AFF3: variants seen among roughly 807,000 people sequenced by gnomAD.
AFF3 encodes the protein AF4/FMR2 family member 3.
Under a neutral mutation model 129.7 loss-of-function variants are expected in AFF3, and 32 were observed. The ratio of observed to expected loss-of-function variants is 0.25; its 90% CI spans 0.19 to 0.33. AFF3 has a LOEUF of 0.33. Among genes scored for constraint, AFF3 ranks in the 10% least tolerant of loss-of-function variants. The probability of loss-of-function intolerance (pLI) is 1.00; values close to 1 mark genes in which losing one functional copy is unlikely to be tolerated. For missense variants in AFF3, 1,373 were observed against 1,592.0 expected, an observed-to-expected ratio of 0.86 and a Z score of 2.34; for synonymous variants, 644 against 635.4, an observed-to-expected ratio of 1.01 and a Z score of -0.20.
chr2:99,603,225 T>G (rs933602033), intron 13 of AFF3, among the ~76,000 whole-genome samples: 1 of 151,944 alleles, frequency 6.6e-6, no homozygotes, highest in African/African-American at 2.4e-5. Context: ...TTTCTTTCCT[T>G]CCTTATGAAC....
chr2:99,809,490 T>C (rs909995457), intron 8 of AFF3, among the ~76,000 whole-genome samples: 3 of 152,184 alleles, frequency 2.0e-5, no homozygotes, highest in African/African-American at 7.2e-5. Flanking sequence ...ATAGATTCAA[T>C]GGGATTAGGT....
In AFF3 at chr2:99,551,314, TAC is replaced by T; in HGVS notation, c.*158_*159del. 1 of 1,056,976 alleles carries T rather than the reference TAC, an allele frequency of 9.5e-7. No homozygotes were observed. The highest frequency in any genetic ancestry group is 2.6e-5 in the East Asian group (1 of 38,370). 65.5% of individuals were successfully genotyped at this position (1,056,976 alleles called of 1,614,324 possible). On this transcript the variant is annotated 3_prime_UTR_variant, in exon 25 of 25. Coordinates refer to ENST00000672756, the MANE Select transcript of AFF3 (RefSeq NM_001386135.1). ...AGGCGGCTTCTTATATACCCACACATACAAACACACATGCCCTGCAAAAGATC... is the reference window on the plus strand; with the variant it reads ...AGGCGGCTTCTTATATACCCACACATAAACACACATGCCCTGCAAAAGATC...
intron 4 of AFF3, among the ~76,000 whole-genome samples, chr2:100,053,818 T>C (rs1201776100): frequency 6.6e-6 from 1 of 152,128 alleles, no homozygotes; most frequent in Non-Finnish European, 1.5e-5. Flanking sequence ...CATTAAAGGA[T>C]TAAGTAGTAT....
intron 2 of AFF3, among the ~76,000 whole-genome samples, chr2:100,120,876 G>A (rs1302515926): frequency 2.0e-5 from 3 of 152,086 alleles, no homozygotes; most frequent in African/African-American, 7.2e-5. Context: ...GGCCTCAAGC[G>A]ATCCTCCTGC....
At chr2:99,712,978 CCAGA>C (rs1158337051) in intron 11 of AFF3, among the ~76,000 whole-genome samples, 1 of 152,182 alleles carries the variant, frequency 6.6e-6, no homozygotes, top group African/African-American at 2.4e-5. Flanking sequence ...GGAAAATAAG[CCAGA>C]CACGCAAGGA....
At chr2:99,809,226 G>T (rs1385066438) in intron 8 of AFF3, among the ~76,000 whole-genome samples, 1 of 152,230 alleles carries the variant, frequency 6.6e-6, no homozygotes, top group Non-Finnish European at 1.5e-5. Flanking sequence ...GGACATGGGA[G>T]TGAAGGTTCA....
intron 13 of AFF3, among the ~76,000 whole-genome samples, chr2:99,618,530 C>T (rs1575521228): frequency 1.3e-5 from 2 of 151,956 alleles, no homozygotes; most frequent in Admixed American, 6.6e-5. Context: ...GCCACCGCAC[C>T]CAGCCTCATA....
intron 7 of AFF3, among the ~76,000 whole-genome samples, chr2:99,998,154 C>G (rs1436492084): frequency 6.6e-6 from 1 of 152,172 alleles, no homozygotes; most frequent in East Asian, 1.9e-4. Flanking sequence ...CTGAGGGACA[C>G]AGTAAGGACC....
intron 7 of AFF3, among the ~76,000 whole-genome samples, chr2:99,894,878 C>T (rs1263085260): frequency 6.6e-6 from 1 of 152,196 alleles, no homozygotes; most frequent in African/African-American, 2.4e-5. Context: ...GTAAGTCCCT[C>T]TTCTGCTTCA....
chr2:99,999,385 T>C (rs1042460905), intron 7 of AFF3, among the ~76,000 whole-genome samples: 2 of 152,212 alleles, frequency 1.3e-5, no homozygotes, highest in African/African-American at 2.4e-5. Flanking sequence ...CTTTCATCCA[T>C]ATCCTTAAAT....
intron 7 of AFF3, among the ~76,000 whole-genome samples, chr2:99,962,591 A>G (rs970721777): frequency 1.3e-5 from 2 of 152,172 alleles, no homozygotes; most frequent in African/African-American, 4.8e-5. Flanking sequence ...TTGAAACTGT[A>G]TAATTAAAAA....
chr2:99,767,729 G>A (rs867747189), intron 8 of AFF3, among the ~76,000 whole-genome samples: 4 of 152,084 alleles, frequency 2.6e-5, no homozygotes, highest in East Asian at 1.9e-4. Flanking sequence ...AGGCCGAGGC[G>A]GGCGGATCAC....
intron 8 of AFF3, among the ~76,000 whole-genome samples, chr2:99,836,577 A>C (rs1688889794): frequency 6.6e-6 from 1 of 152,118 alleles, no homozygotes. Flanking sequence ...AGAAAGAAAA[A>C]CATCTGGCCT....
chr2:100,005,448 T>C (rs2104722902), intron 7 of AFF3, among the ~76,000 whole-genome samples: 1 of 152,328 alleles, frequency 6.6e-6, no homozygotes, highest in East Asian at 1.9e-4. Context: ...ATTTATTTGC[T>C]GCTACCAGTC....
chr2:99,767,917 G>A lies in AFF3; in HGVS notation c.922-15616C>T, dbSNP rs992664577. Among the ~76,000 whole-genome samples the A allele has an allele frequency of 5.9e-5, 9 of 152,298 alleles. No homozygotes were observed. The East Asian group carries it at 1.4e-3, about 23-fold the overall frequency. Reference sequence around the variant, plus strand: ...CTGAGATTGCGCCATTGCACTCCTCGAGGCATTTGGGATCACAAGCAGAGT... The same window carrying A: ...CTGAGATTGCGCCATTGCACTCCTCAAGGCATTTGGGATCACAAGCAGAGT... On this transcript the variant is annotated intron_variant, in intron 8 of 24. Transcript: ENST00000672756.
chr2:99,716,347 G>A (rs1678380545), intron 11 of AFF3, among the ~76,000 whole-genome samples: 1 of 152,260 alleles, frequency 6.6e-6, no homozygotes, highest in Middle Eastern at 3.4e-3. Context: ...TGGGACAGTG[G>A]TTAAGAGCTT....
intron 7 of AFF3, among the ~76,000 whole-genome samples, chr2:99,939,452 G>A (rs894292303): frequency 6.6e-6 from 1 of 152,156 alleles, no homozygotes; most frequent in Non-Finnish European, 1.5e-5. Context: ...GGAGAGAAAA[G>A]GGCCCTGGTG....
intron 7 of AFF3, among the ~76,000 whole-genome samples, chr2:99,942,884 A>G (rs531853569): frequency 1.3e-5 from 2 of 152,244 alleles, no homozygotes; most frequent in African/African-American, 2.4e-5. Context: ...CCTTAATCCC[A>G]ATATATTTTC....
At chr2:99,932,936 GT>G (rs761495996) in intron 7 of AFF3, among the ~76,000 whole-genome samples, 9 of 152,018 alleles carry the variant, frequency 5.9e-5, no homozygotes, top group Non-Finnish European at 1.0e-4. Flanking sequence ...TCAATAATAT[GT>G]TTTTTTAATT....
Sources: gnomAD v4.1 joint callset for allele counts (sites outside exome capture counted in the v4.1 genomes callset) on GRCh38, gnomAD v4.1.1 for gene constraint, MANE v1.5 for transcripts, NCBI Gene and HGNC (gene_info 2026-07-23, HGNC 2026-07-21) for gene names.